RALGAPA1: variants seen among roughly 807,000 people sequenced by gnomAD.
RALGAPA1 encodes the protein ral GTPase-activating protein subunit alpha-1.
A neutral mutation model predicts 269.6 loss-of-function variants in RALGAPA1; 52 were observed. The observed-to-expected ratio is 0.19, with a 90% CI of 0.15 to 0.24. The LOEUF is 0.24. Ranked by LOEUF, RALGAPA1 falls within the 10% of genes least tolerant of loss-of-function variation. The probability of loss-of-function intolerance (pLI) is 1.00; values close to 1 mark genes in which losing one functional copy is unlikely to be tolerated. For missense variants in RALGAPA1, 1,917 were observed against 3,013.9 expected (o/e 0.64, Z 8.52); for synonymous variants, 817 against 1,008.3 (o/e 0.81, Z 3.60).
At chr14:35,792,572 C>T (rs974304817) in intron 1 of RALGAPA1, among the ~76,000 whole-genome samples, 3 of 151,584 alleles carry the variant, frequency 2.0e-5, no homozygotes, top group African/African-American at 7.3e-5. Context: ...TGTTTGAGGC[C>T]CAGAGTTCAA....
intron 7 of RALGAPA1, among the ~76,000 whole-genome samples, chr14:35,752,843 T>C (rs966674828): frequency 6.6e-6 from 1 of 152,062 alleles, no homozygotes; most frequent in African/African-American, 2.4e-5. Context: ...GGGGGACTGA[T>C]TAAATAAGTA....
chr14:35,616,729 T>G (rs1403880096), intron 35 of RALGAPA1, among the ~76,000 whole-genome samples: 1 of 152,174 alleles, frequency 6.6e-6, no homozygotes, highest in Non-Finnish European at 1.5e-5. Context: ...AAATTTAAAT[T>G]TAATCAGATA....
intron 29 of RALGAPA1, 57 bp downstream of exon 29, chr14:35,655,750 G>GA: frequency 6.4e-7 from 1 of 1,565,398 alleles, no homozygotes; most frequent in South Asian, 1.2e-5. Flanking sequence ...AATATTTGGA[G>GA]AAAAAAATAT....
chr14:35,783,392 C>T (rs763947400), intron 1 of RALGAPA1, among the ~76,000 whole-genome samples: 11 of 151,860 alleles, frequency 7.2e-5, no homozygotes, highest in Non-Finnish European at 1.3e-4. Flanking sequence ...CTTTTCAACA[C>T]ACAGTTGAAA....
chr14:35,699,869 C>A (rs2067201896), intron 17 of RALGAPA1, among the ~76,000 whole-genome samples: 1 of 146,308 alleles, frequency 6.8e-6, no homozygotes, highest in East Asian at 2.0e-4. Context: ...TTTTAACCAC[C>A]TGAGAGGAAG....
intron 36 of RALGAPA1, among the ~76,000 whole-genome samples, chr14:35,600,228 T>TTTC (rs1454458416): frequency 2.8e-5 from 3 of 108,348 alleles, no homozygotes; most frequent in African/African-American, 1.6e-4. Flanking sequence ...CTTTTTCTTT[T>TTTC]TTTCTTTTTT....
At chr14:35,803,395 C>T (rs1378364560) in intron 1 of RALGAPA1, among the ~76,000 whole-genome samples, 1 of 151,798 alleles carries the variant, frequency 6.6e-6, no homozygotes. Context: ...TAGAAAAAAG[C>T]ATAGAAGAAA....
At chr14:35,585,234 GGGCCATCAAATACACC>G (rs2058206106) in intron 37 of RALGAPA1, among the ~76,000 whole-genome samples, 1 of 152,094 alleles carries the variant, frequency 6.6e-6, no homozygotes. Context: ...ACCATATTCT[GGGCCATCAAATACACC>G]TTCGGAAATT....
At chr14:35,621,393 C>CAAT (rs2060616758) in intron 35 of RALGAPA1, among the ~76,000 whole-genome samples, 1 of 152,096 alleles carries the variant, frequency 6.6e-6, no homozygotes, top group South Asian at 2.1e-4. Context: ...ATTATTAGAC[C>CAAT]TAAAACCATC....
intron 7 of RALGAPA1, chr14:35,756,571 T>C (rs2073198113): frequency 3.5e-6 from 1 of 289,556 alleles, no homozygotes; most frequent in Admixed American, 5.1e-5. Context: ...ACATGAGAAG[T>C]GTAGGAAATA....
intron 12 of RALGAPA1, among the ~76,000 whole-genome samples, chr14:35,736,383 G>A (rs1422185329): frequency 1.3e-5 from 2 of 152,130 alleles, no homozygotes; most frequent in African/African-American, 4.8e-5. Flanking sequence ...AGAGATCCTA[G>A]ACTACATATA....
intron 16 of RALGAPA1, among the ~76,000 whole-genome samples, chr14:35,705,637 T>A (rs2067738362): frequency 6.6e-6 from 1 of 152,206 alleles, no homozygotes; most frequent in Non-Finnish European, 1.5e-5. Flanking sequence ...CATGTGCAGA[T>A]GTTTGCGTGG....
intron 17 of RALGAPA1, among the ~76,000 whole-genome samples, chr14:35,691,480 T>C (rs186664903): frequency 6.6e-6 from 1 of 152,266 alleles, no homozygotes; most frequent in Non-Finnish European, 1.5e-5. Context: ...AAAAGTTAAA[T>C]GCAACAGAAC....
intron 12 of RALGAPA1, among the ~76,000 whole-genome samples, chr14:35,733,526 G>A (rs560111603): frequency 7.9e-5 from 12 of 152,010 alleles, no homozygotes; most frequent in Admixed American, 1.3e-4. Context: ...CAAACTGAAC[G>A]ACAATAATGA....
chr14:35,569,080 T>C (rs2056949168), intron 39 of RALGAPA1, among the ~76,000 whole-genome samples: 1 of 152,202 alleles, frequency 6.6e-6, no homozygotes, highest in African/African-American at 2.4e-5. Context: ...CAATGTAACA[T>C]ACCATGATCC....
intron 16 of RALGAPA1, among the ~76,000 whole-genome samples, chr14:35,709,426 T>C (rs1430489749): frequency 1.3e-5 from 2 of 152,144 alleles, no homozygotes; most frequent in East Asian, 3.8e-4. Context: ...CTTTCATTTC[T>C]GGTATTAATA....
intron 33 of RALGAPA1, among the ~76,000 whole-genome samples, chr14:35,629,176 T>C (rs992232977): frequency 6.6e-6 from 1 of 152,078 alleles, no homozygotes; most frequent in African/African-American, 2.4e-5. Flanking sequence ...TGTCAGGAAG[T>C]AGGGACAACT....
At chr14:35,678,185 G>T (rs2065123499) in intron 21 of RALGAPA1, 83 bp from the exon 22 acceptor site, 6 of 1,331,970 alleles carry the variant, frequency 4.5e-6, no homozygotes, top group Non-Finnish European at 6.1e-6. Context: ...CTAAATAAAA[G>T]AAATTTTAAA....
intron 37 of RALGAPA1, among the ~76,000 whole-genome samples, chr14:35,589,913 C>T (rs1379084909): frequency 6.6e-6 from 1 of 152,028 alleles, no homozygotes; most frequent in Non-Finnish European, 1.5e-5. Context: ...AGACTGATAT[C>T]GAACTCCTGA....
Sources: gnomAD v4.1 joint callset for allele counts (sites outside exome capture counted in the v4.1 genomes callset) on GRCh38, gnomAD v4.1.1 for gene constraint, MANE v1.5 for transcripts, NCBI Gene and HGNC (gene_info 2026-07-23, HGNC 2026-07-21) for gene names.